Variants in PRDM16 observed in about 807,000 individuals in gnomAD.
PRDM16 encodes the protein histone-lysine N-methyltransferase PRDM16.
A neutral mutation model predicts 110.6 loss-of-function variants in PRDM16; 23 were observed. The ratio of observed to expected loss-of-function variants is 0.21; its 90% CI spans 0.15 to 0.29. PRDM16 has a LOEUF of 0.29. PRDM16 is among the 10% of genes least tolerant of loss of function. The probability of loss-of-function intolerance (pLI) is 1.00; values close to 1 mark genes in which losing one functional copy is unlikely to be tolerated. For synonymous variants in PRDM16, 799 were observed against 781.8 expected, an observed-to-expected ratio of 1.02 and a Z score of -0.37; for missense variants, 1,615 against 1,794.3, an observed-to-expected ratio of 0.90 and a Z score of 1.81.
rs1177422580 is a variant in PRDM16, at chr1:3,246,354, G to A, written c.438+2217G>A. Among the ~76,000 whole-genome samples, 1 of 152,220 alleles carries A rather than the reference G, an allele frequency of 6.6e-6. No individual in the cohort carries two copies. The highest frequency in any genetic ancestry group is 1.5e-5 in the Non-Finnish European group (1 of 68,036). ...CCTTGGAAAGCAGGTTGAGAACCTT[G>A]GGTCGGGCTGAGGAGTCTCAGGTTC... is the stretch of plus-strand genomic sequence containing the variant. On this transcript the variant is annotated intron_variant, in intron 3 of 16. Transcript: ENST00000270722. This position sits in a 1 kb window ranked among gnomAD's most constrained non-coding sequence, Gnocchi z 5.2.
At chr1:3,140,354 G>A (rs530722250) in intron 1 of PRDM16, among the ~76,000 whole-genome samples, 75 of 152,210 alleles carry the variant, frequency 4.9e-4, no homozygotes, top group Non-Finnish European at 8.8e-4. Flanking sequence ...GTGGCTACGG[G>A]GGTCTCACAT....
intron 3 of PRDM16, among the ~76,000 whole-genome samples, chr1:3,368,927 G>A (rs745655966): frequency 2.0e-5 from 3 of 152,254 alleles, no homozygotes; most frequent in Non-Finnish European, 2.9e-5. Context: ...GTAATCGGCC[G>A]CATGCTGCCT....
chr1:3,218,097 T>C (rs1473280644), intron 2 of PRDM16, among the ~76,000 whole-genome samples: 1 of 152,190 alleles, frequency 6.6e-6, no homozygotes, highest in African/African-American at 2.4e-5. Flanking sequence ...AACACTATTG[T>C]CGTGGCCAAG....
intron 3 of PRDM16, among the ~76,000 whole-genome samples, chr1:3,342,593 C>T (rs1642292810): frequency 6.6e-6 from 1 of 152,218 alleles, no homozygotes; most frequent in Non-Finnish European, 1.5e-5. Flanking sequence ...ACGTAGCCAC[C>T]ACTAGAATCA....
Position 3,358,339 on chromosome 1 carries a change from TC to T in PRDM16, c.439-26808del, listed in dbSNP as rs1642649495. On this transcript the variant is annotated intron_variant, in intron 3 of 16. Coordinates refer to ENST00000270722, the MANE Select transcript of PRDM16 (RefSeq NM_022114.4). This position sits in a 1 kb window ranked among gnomAD's most constrained non-coding sequence, Gnocchi z 4.0. ...TGGGTCTTCTCTGGATGCGAGACCTTCCCCCTGGCTGAGGGTGCTGGAGAAG... is the reference window on the plus strand; with the variant it reads ...TGGGTCTTCTCTGGATGCGAGACCTTCCCCTGGCTGAGGGTGCTGGAGAAG... Among the ~76,000 whole-genome samples, 1 of 152,038 alleles carries T rather than the reference TC, an allele frequency of 6.6e-6. No individual in the cohort carries two copies. The highest frequency in any genetic ancestry group is 1.5e-5 in the Non-Finnish European group (1 of 68,020).
intron 8 of PRDM16, among the ~76,000 whole-genome samples, 198 bp downstream of exon 8, chr1:3,405,846 C>CTG (rs1643553425): frequency 6.6e-6 from 1 of 152,242 alleles, no homozygotes; most frequent in African/African-American, 2.4e-5. Context: ...TTGTCCCTCA[C>CTG]TGCTCCCCTT....
At chr1:3,218,420 G>A (rs910320983) in intron 2 of PRDM16, among the ~76,000 whole-genome samples, 5 of 152,332 alleles carry the variant, frequency 3.3e-5, no homozygotes, top group Admixed American at 2.0e-4. Context: ...GGGGGCAGCC[G>A]GGGCCACCTC....
chr1:3,376,211 C>T (rs1288065479), intron 3 of PRDM16, among the ~76,000 whole-genome samples: 3 of 152,148 alleles, frequency 2.0e-5, no homozygotes, highest in South Asian at 2.1e-4. Context: ...GGGGTGTCTC[C>T]GTGATTTCTG....
At chr1:3,084,035 C>T (rs1042876796) in intron 1 of PRDM16, among the ~76,000 whole-genome samples, 3 of 152,242 alleles carry the variant, frequency 2.0e-5, no homozygotes, top group Middle Eastern at 3.2e-3. Flanking sequence ...GTCCCTGGGT[C>T]TTGGCAGACC....
intron 1 of PRDM16, among the ~76,000 whole-genome samples, chr1:3,075,694 T>C (rs916242841): frequency 6.6e-6 from 1 of 152,298 alleles, no homozygotes; most frequent in African/African-American, 2.4e-5. Context: ...TGCCGTCCCA[T>C]GCGCGTTTTC....
At chr1:3,376,599 A>C (rs1642993828) in intron 3 of PRDM16, among the ~76,000 whole-genome samples, 1 of 152,278 alleles carries the variant, frequency 6.6e-6, no homozygotes, top group Non-Finnish European at 1.5e-5. Context: ...AGCCCCAGAC[A>C]GCCCACCCTT....
At chr1:3,176,103 CCATCCATT>C (rs1644083619) in intron 1 of PRDM16, among the ~76,000 whole-genome samples, 1 of 152,248 alleles carries the variant, frequency 6.6e-6, no homozygotes, top group African/African-American at 2.4e-5. Context: ...ATTCACCTAC[CCATCCATT>C]CATCCATTCC....
At chr1:3,098,807 C>T (rs1475865788) in intron 1 of PRDM16, among the ~76,000 whole-genome samples, 3 of 152,234 alleles carry the variant, frequency 2.0e-5, no homozygotes, top group Non-Finnish European at 4.4e-5. Context: ...CTGGCTGCCT[C>T]CTTGGGCTCC....
At chr1:3,107,062 G>T (rs1226827934) in intron 1 of PRDM16, among the ~76,000 whole-genome samples, 1 of 152,254 alleles carries the variant, frequency 6.6e-6, no homozygotes, top group Admixed American at 6.5e-5. Flanking sequence ...GGCAAGAGCA[G>T]CTCACACCTC....
chr1:3,180,189 TTTGC>T (rs1208534434), intron 1 of PRDM16, among the ~76,000 whole-genome samples: 1 of 151,840 alleles, frequency 6.6e-6, no homozygotes. Flanking sequence ...TTTTTGTTTG[TTTGC>T]TTGTTTGTTT....
Position 3,162,725 on chromosome 1 carries a change from C to T in PRDM16, c.38-23400C>T, listed in dbSNP as rs71634319. On this transcript the variant is annotated intron_variant, in intron 1 of 16. Transcript: ENST00000270722. ...GCTCGGTCGGCAGCCACGCCCCCTCCTTCACCCTCCAGTCCTCCTGTGTGG... is the reference window on the plus strand; with the variant it reads ...GCTCGGTCGGCAGCCACGCCCCCTCTTTCACCCTCCAGTCCTCCTGTGTGG... Among the ~76,000 whole-genome samples, 333 of 152,344 alleles carry T rather than the reference C, an allele frequency of 2.2e-3. 11 individuals carry two copies. The East Asian group carries it at 0.061, about 28-fold the overall frequency.
At chr1:3,344,367 T>C (rs568141607) in intron 3 of PRDM16, among the ~76,000 whole-genome samples, 1 of 152,370 alleles carries the variant, frequency 6.6e-6, no homozygotes, top group African/African-American at 2.4e-5. Context: ...TATACTTTTC[T>C]GTTTTGGAAT....
At chr1:3,355,096 C>T (rs1259480904) in intron 3 of PRDM16, among the ~76,000 whole-genome samples, 1 of 152,100 alleles carries the variant, frequency 6.6e-6, no homozygotes, top group Non-Finnish European at 1.5e-5. Flanking sequence ...CGATACCAGG[C>T]CTCTCGCCTT....
At chr1:3,341,815 C>T (rs563880310) in intron 3 of PRDM16, among the ~76,000 whole-genome samples, 16 of 152,272 alleles carry the variant, frequency 1.1e-4, no homozygotes, top group Non-Finnish European at 2.2e-4. Context: ...CTGCAGCGCA[C>T]TGTGTGGCCA....
Sources: gnomAD v4.1 joint callset for allele counts (sites outside exome capture counted in the v4.1 genomes callset) on GRCh38, gnomAD v4.1.1 for gene constraint, Gnocchi (gnomAD v3.1) non-coding constraint, MANE v1.5 for transcripts, NCBI Gene and HGNC (gene_info 2026-07-23, HGNC 2026-07-21) for gene names.